The following SREK1IP1 variants were observed in gnomAD, a reference collection of about 807,000 sequenced individuals.
The protein encoded by SREK1IP1 is protein SREK1IP1.
SREK1IP1 carries 12 observed loss-of-function variants against 22.8 expected under a neutral mutation model. The observed-to-expected ratio is 0.53, with a 90% CI of 0.34 to 0.85. SREK1IP1 has a LOEUF of 0.85. Among genes scored for constraint, SREK1IP1 ranks in the 40% least tolerant of loss-of-function variants. The pLI is 0.02. For missense variants in SREK1IP1, 147 were observed against 171.8 expected (o/e 0.86, Z 0.81); for synonymous variants, 53 against 52.7 (o/e 1.01, Z -0.02).
chr5:64,762,668 GTTAA>G (rs971763494), intron 1 of SREK1IP1, among the ~76,000 whole-genome samples: 10 of 152,006 alleles, frequency 6.6e-5, no homozygotes, highest in South Asian at 2.1e-4. Context: ...TTAATACTTC[GTTAA>G]TTAATAAGAT....
intron 3 of SREK1IP1, among the ~76,000 whole-genome samples, chr5:64,730,592 G>GATAT (rs377266925): frequency 0.019 from 2,935 of 151,790 alleles, 87 homozygotes; most frequent in African/African-American, 0.068. Flanking sequence ...AAGAAAGATG[G>GATAT]ATATATATAT....
At chr5:64,739,523 T>C (rs1030146742) in intron 3 of SREK1IP1, among the ~76,000 whole-genome samples, 2 of 152,108 alleles carry the variant, frequency 1.3e-5, no homozygotes, top group Non-Finnish European at 2.9e-5. Context: ...TTCTAGAATA[T>C]ATGTCGGGTT....
chr5:64,751,703 G>A (rs1742744061), intron 2 of SREK1IP1, among the ~76,000 whole-genome samples: 1 of 152,158 alleles, frequency 6.6e-6, no homozygotes. Flanking sequence ...TTTCTAGGGA[G>A]GCAGTACCAC....
intron 3 of SREK1IP1, among the ~76,000 whole-genome samples, chr5:64,738,735 T>C (rs926018640): frequency 3.3e-5 from 5 of 152,148 alleles, no homozygotes; most frequent in African/African-American, 1.2e-4. Context: ...GGGAAAAGGA[T>C]GTCTTCAGCA....
At chr5:64,758,294 G>A (rs1054958062) in intron 1 of SREK1IP1, among the ~76,000 whole-genome samples, 1 of 152,112 alleles carries the variant, frequency 6.6e-6, no homozygotes, top group Admixed American at 6.5e-5. Flanking sequence ...TCAGCCTCCT[G>A]AGTAGGTGGG....
At chr5:64,729,595 G>A (rs532106499) in intron 3 of SREK1IP1, among the ~76,000 whole-genome samples, 7 of 152,336 alleles carry the variant, frequency 4.6e-5, no homozygotes, top group African/African-American at 1.7e-4. Context: ...AAGTGAGACG[G>A]ACTGTGTGAT....
chr5:64,768,689 G>T lies in SREK1IP1; in HGVS notation c.-172C>A. On this transcript the variant is annotated 5_prime_UTR_variant, in exon 1 of 5. Transcript: ENST00000513458. ...GCCTCTAGCGACGGCAGAACCAGTA[G>T]ATGCGGATGCAGTTTCCGGACGAGT... 1.3e-6 allele frequency: 1 copy of T among 771,644 alleles called. No homozygotes were observed. The highest frequency in any genetic ancestry group is 2.1e-6 in the Non-Finnish European group (1 of 467,256). The allele number at this position is 771,644 out of a possible 1,614,324, so 47.8% of individuals were successfully genotyped here.
rs572472552 is a variant in SREK1IP1 at position 64,739,495 on chromosome 5, T to G, written c.205+1562A>C. 2.0e-5 allele frequency among the ~76,000 whole-genome samples: 3 copies of G among 152,224 alleles called. No homozygotes were observed. In the South Asian group the frequency reaches 6.2e-4, roughly 32 times the overall value. On this transcript the variant is annotated intron_variant, in intron 3 of 4. Coordinates refer to ENST00000513458, the MANE Select transcript of SREK1IP1 (RefSeq NM_173829.4). Reference sequence around the variant, plus strand: ...GCCAGAGGTACCCAAGGATACTAATTATCATGTCTTTAGGGGATTCTAGAA... The same window carrying G: ...GCCAGAGGTACCCAAGGATACTAATGATCATGTCTTTAGGGGATTCTAGAA...
rs755215460 is a variant in SREK1IP1, at chr5:64,768,533, G to A, written c.-16C>T. 2 of 1,614,110 alleles carry A rather than the reference G, an allele frequency of 1.2e-6. No homozygotes were observed. The highest frequency in any genetic ancestry group is 1.7e-6 in the Non-Finnish European group (2 of 1,180,006). On this transcript the variant is annotated 5_prime_UTR_variant, in exon 1 of 5. Coordinates refer to ENST00000513458, the MANE Select transcript of SREK1IP1 (RefSeq NM_173829.4). ...GGACTGCCATGACGGTGGTAAGAGG[G>A]GTAACTCGAGCCTCTGGCTTTCGAA...
rs1742215061 is a variant in SREK1IP1, at chr5:64,723,847, A to G, written c.*537T>C. The G allele has an allele frequency of 6.6e-6, 1 of 152,628 alleles. No homozygotes were observed. The highest frequency in any genetic ancestry group is 2.4e-5 in the African/African-American group (1 of 41,470). 9.5% of individuals were successfully genotyped at this position (152,628 alleles called of 1,614,324 possible). ...CTAGTCAAGACCATTAAGCAGCTGC[A>G]TCTTCTACAACATTGAAAAAAAATC... On this transcript the variant is annotated 3_prime_UTR_variant, in exon 5 of 5. Coordinates refer to ENST00000513458, the MANE Select transcript of SREK1IP1 (RefSeq NM_173829.4).
chr5:64,761,498 C>T (rs1219306354), intron 1 of SREK1IP1, among the ~76,000 whole-genome samples: 1 of 152,120 alleles, frequency 6.6e-6, no homozygotes, highest in Non-Finnish European at 1.5e-5. Context: ...TATGGTATAG[C>T]CTACTGCTCC....
chr5:64,748,017 A>G (rs1368783654), intron 2 of SREK1IP1, among the ~76,000 whole-genome samples: 1 of 152,228 alleles, frequency 6.6e-6, no homozygotes, highest in Non-Finnish European at 1.5e-5. Flanking sequence ...AAAGAATTGA[A>G]AACAGGGACT....
rs142225488 is a variant in SREK1IP1 at position 64,743,634 on chromosome 5, C to T, written c.62-2434G>A. ...TAATGTTGAAATGAGCAGCTGTAGACATCTCTGTGGGCATGCACCAGGTTT... is the reference window on the plus strand; with the variant it reads ...TAATGTTGAAATGAGCAGCTGTAGATATCTCTGTGGGCATGCACCAGGTTT... On this transcript the variant is annotated intron_variant, in intron 2 of 4. Coordinates refer to ENST00000513458, the MANE Select transcript of SREK1IP1 (RefSeq NM_173829.4). 2.4e-3 allele frequency among the ~76,000 whole-genome samples: 361 copies of T among 152,206 alleles called. 1 individual carries two copies. Among genetic ancestry groups the T allele is most frequent in the African/African-American group, 7.6e-3 (316 of 41,532 alleles).
At chr5:64,738,662 G>A (rs2113040) in intron 3 of SREK1IP1, among the ~76,000 whole-genome samples, 49,781 of 151,832 alleles carry the variant, frequency 0.33, 8,541 homozygotes, top group East Asian at 0.51. Flanking sequence ...AGAATAGGAA[G>A]TCCAGGAATA....
chr5:64,735,040 GT>G (rs1561385090), intron 3 of SREK1IP1, among the ~76,000 whole-genome samples: 5 of 151,924 alleles, frequency 3.3e-5, no homozygotes, highest in African/African-American at 1.2e-4. Context: ...TAACATTTTG[GT>G]TTTTTATAGA....
intron 2 of SREK1IP1, among the ~76,000 whole-genome samples, chr5:64,747,411 A>C (rs1742656843): frequency 1.3e-5 from 2 of 152,186 alleles, no homozygotes; most frequent in Non-Finnish European, 2.9e-5. Context: ...TGCTATGAAT[A>C]ATAAAAGATG....
chr5:64,736,877 T>C (rs1205839010), intron 3 of SREK1IP1, among the ~76,000 whole-genome samples: 1 of 151,994 alleles, frequency 6.6e-6, no homozygotes, highest in Non-Finnish European at 1.5e-5. Context: ...GACATTAAAA[T>C]TGTCACTTTA....
chr5:64,727,423 C>G (rs2112085912), intron 4 of SREK1IP1, among the ~76,000 whole-genome samples: 1 of 147,316 alleles, frequency 6.8e-6, no homozygotes. Flanking sequence ...CTAAAAATTC[C>G]TTCAGGTCTT....
At position 64,720,923 on chromosome 5, in the gene SREK1IP1, T is replaced by G. The variant is rs1438173481; in HGVS notation, c.*3461A>C. 1.3e-5 allele frequency: 2 copies of G among 152,268 alleles called. No individual in the cohort carries two copies. The highest frequency in any genetic ancestry group is 4.8e-5 in the African/African-American group (2 of 41,466). The allele number at this position is 152,268 out of a possible 1,614,324, so 9.4% of individuals were successfully genotyped here. On this transcript the variant is annotated 3_prime_UTR_variant, in exon 5 of 5. Coordinates refer to ENST00000513458, the MANE Select transcript of SREK1IP1 (RefSeq NM_173829.4). ...TAAGAACTTAAAATGGTAGTCTCAATTCTTACCACTTCCTGCCTCGCCTAT... is the reference window on the plus strand; with the variant it reads ...TAAGAACTTAAAATGGTAGTCTCAAGTCTTACCACTTCCTGCCTCGCCTAT...
Sources: allele counts gnomAD v4.1 joint callset (sites outside exome capture counted in the v4.1 genomes callset), GRCh38; gene constraint gnomAD v4.1.1; transcripts MANE v1.5; gene names NCBI Gene and HGNC (gene_info 2026-07-23, HGNC 2026-07-21).